The following HCRTR1 variants were observed in gnomAD, a reference collection of about 807,000 sequenced individuals.
The protein encoded by HCRTR1 is hypocretin receptor 1.
A neutral mutation model predicts 40.6 loss-of-function variants in HCRTR1; 28 were observed. That is an observed-to-expected ratio of 0.69 (90% CI 0.51 to 0.95). The LOEUF is 0.95. HCRTR1 is among the 40% of genes least tolerant of loss of function. The pLI, the probability that HCRTR1 is intolerant of heterozygous loss-of-function variation, is 0.00. For missense variants in HCRTR1, 482 were observed against 564.7 expected, an observed-to-expected ratio of 0.85 and a Z score of 1.48; for synonymous variants, 209 against 230.0, an observed-to-expected ratio of 0.91 and a Z score of 0.83.
intron 4 of HCRTR1, among the ~76,000 whole-genome samples, chr1:31,620,466 T>C (rs1277996158): frequency 6.6e-6 from 1 of 152,188 alleles, no homozygotes; most frequent in Non-Finnish European, 1.5e-5. Flanking sequence ...AGTTTCCTCA[T>C]CTGTAACAGG....
At chr1:31,631,124 A>G (rs1640089933), downstream of HCRTR1, among the ~76,000 whole-genome samples, 1 of 152,172 alleles carries the variant, frequency 6.6e-6, no homozygotes, top group South Asian at 2.1e-4. Context: ...ACGACAACGG[A>G]CTATCCGCAA....
At chr1:31,632,179 G>A, downstream of HCRTR1, 1 of 582,550 alleles carries the variant, frequency 1.7e-6, no homozygotes, top group South Asian at 2.0e-5. Context: ...AGTCACCCAA[G>A]CCACACACAC....
In HCRTR1 at chr1:31,626,719, G is replaced by A; in HGVS notation, c.1088-71G>A. On this transcript the variant is annotated intron_variant, in intron 8 of 8. Coordinates refer to ENST00000403528, the MANE Select transcript of HCRTR1 (RefSeq NM_001525.3). This position sits in a 1 kb window ranked among gnomAD's most constrained non-coding sequence, Gnocchi z 4.6. Reference sequence around the variant, plus strand: ...GCAGCTTGGCTGGAGCTGCGTGGGTGTCCCTGGGCTCAAGGCCCCTTCCTG... The same window carrying A: ...GCAGCTTGGCTGGAGCTGCGTGGGTATCCCTGGGCTCAAGGCCCCTTCCTG... 1 of 1,526,986 alleles carries A rather than the reference G, an allele frequency of 6.5e-7. No homozygotes were observed. Among genetic ancestry groups the A allele is most frequent in the Non-Finnish European group, 8.8e-7 (1 of 1,132,968 alleles). 94.6% of individuals were successfully genotyped at this position (1,526,986 alleles called of 1,614,324 possible).
At chr1:31,634,419 C>T (rs1335172096), downstream of HCRTR1, among the ~76,000 whole-genome samples, 1 of 152,142 alleles carries the variant, frequency 6.6e-6, no homozygotes, top group Non-Finnish European at 1.5e-5. Flanking sequence ...CTAAAATGAA[C>T]CCATTTCCCC....
At position 31,619,053 on chromosome 1, in the gene HCRTR1, A is replaced by G; in HGVS notation, c.-140A>G. 1 of 626,720 alleles carries G rather than the reference A, an allele frequency of 1.6e-6. No individual in the cohort carries two copies. The highest frequency in any genetic ancestry group is 2.8e-6 in the Non-Finnish European group (1 of 360,472). The allele number at this position is 626,720 out of a possible 1,614,324, so 38.8% of individuals were successfully genotyped here. ...CCTCCTTTCCTTCCTCCCTTCAGGA[A>G]GTTTGAGGCTGAGACCCGAAAAGAC... On this transcript the variant is annotated splice_region_variant and 5_prime_UTR_variant, in exon 3 of 9. Transcript: ENST00000403528.
At position 31,620,796 on chromosome 1, in the gene HCRTR1, C is replaced by T. The variant is rs75331015; in HGVS notation, c.379-47C>T. The T allele has an allele frequency of 8.3e-4, 1,315 of 1,589,588 alleles. 9 individuals are homozygous for T. The African/African-American group carries it at 0.015, about 18-fold the overall frequency. ...CCTCCTCACTCACCTACTCTCACAT[C>T]GCTGGGTGGCCCCCAAAATGACCGA... On this transcript the variant is annotated intron_variant, in intron 4 of 8. Transcript: ENST00000403528.
At chr1:31,632,271 TC>T, downstream of HCRTR1, 1 of 771,100 alleles carries the variant, frequency 1.3e-6, no homozygotes, top group Non-Finnish European at 2.2e-6. Context: ...CACTCCAGGG[TC>T]CAGCCCTGAT....
At chr1:31,630,585 T>G, downstream of HCRTR1, 1 of 1,601,676 alleles carries the variant, frequency 6.2e-7, no homozygotes, top group Non-Finnish European at 8.5e-7. Context: ...AGGTCCCTGG[T>G]GCACTCCACT....
rs1639987743 is a variant in HCRTR1, at chr1:31,626,849, T to C, written c.1147T>C (p.Cys383Arg). ...CTGCTGCCTGCCTGGCCTGGGTCCC[T>C]GCGGCTCTCTGAAGGCCCCTAGTCC... ...FSCCLPGLGP[C>R]GSLKAPSPRS... Residue 383 changes from cysteine (C) to arginine (R), a missense_variant, in exon 9 of 9, where the codon TGC (cysteine) becomes CGC (arginine). Cys to Arg is a radical substitution (Grantham distance 180, BLOSUM62 -3). Transcript: ENST00000403528. This position sits in a 1 kb window ranked among gnomAD's most constrained non-coding sequence, Gnocchi z 4.6. The C allele has an allele frequency of 1.2e-6, 2 of 1,613,956 alleles. No homozygotes were observed. The highest frequency in any genetic ancestry group is 2.2e-5 in the South Asian group (2 of 91,092).
downstream of HCRTR1, chr1:31,633,381 G>A: frequency 6.7e-7 from 1 of 1,490,286 alleles, no homozygotes; most frequent in Non-Finnish European, 9.1e-7. Context: ...TAACTTCCTG[G>A]CTACAGGTTT....
chr1:31,633,233 A>G (rs752087793), downstream of HCRTR1: 2 of 1,614,070 alleles, frequency 1.2e-6, no homozygotes, highest in Admixed American at 1.7e-5. Context: ...TAGCTCCTTC[A>G]TGGAGATATA....
chr1:31,625,605 C>T lies in HCRTR1; in HGVS notation c.1087+487C>T, dbSNP rs929099237. On this transcript the variant is annotated intron_variant, in intron 8 of 8. Coordinates refer to ENST00000403528, the MANE Select transcript of HCRTR1 (RefSeq NM_001525.3). This position sits in a 1 kb window ranked among gnomAD's most constrained non-coding sequence, Gnocchi z 4.2. ...GAAGGGCTTCGCCGGCTCAGCTAGA[C>T]ACACTGGCAGAGTGACCGGAATCTC... Among the ~76,000 whole-genome samples the T allele has an allele frequency of 6.6e-6, 1 of 152,244 alleles. No homozygotes were observed. The highest frequency in any genetic ancestry group is 1.5e-5 in the Non-Finnish European group (1 of 68,040).
chr1:31,621,085 A>C lies in HCRTR1; in HGVS notation c.621A>C (p.Ala207=). 2 of 1,601,512 alleles carry C rather than the reference A, an allele frequency of 1.2e-6. No homozygotes were observed. The highest frequency in any genetic ancestry group is 1.7e-6 in the Non-Finnish European group (2 of 1,176,904). Residue 207 remains alanine, a splice_region_variant and synonymous_variant, in exon 5 of 9, where the codon GCA becomes GCC. Transcript: ENST00000403528. ...TCTCAGTCTGTGATGAACGCTGGGC[A>C]GGTAATGGTGGAAGCCTCAAGCAGG... ...RLFSVCDERW[A]DDLYPKIYHS...
At chr1:31,630,176 T>G (rs1640054665), downstream of HCRTR1, 1 of 241,882 alleles carries the variant, frequency 4.1e-6, no homozygotes, top group Admixed American at 4.9e-5. Context: ...TCTCTCATGC[T>G]TGGTCAGATT....
At position 31,621,784 on chromosome 1, in the gene HCRTR1, A is replaced by G. The variant is rs559147972; in HGVS notation, c.738+192A>G. Among the ~76,000 whole-genome samples, 134 of 152,380 alleles carry G rather than the reference A, an allele frequency of 8.8e-4. 3 individuals carry two copies. In the South Asian group the frequency reaches 0.024, roughly 27 times the overall value. On this transcript the variant is annotated intron_variant, in intron 6 of 8. Coordinates refer to ENST00000403528, the MANE Select transcript of HCRTR1 (RefSeq NM_001525.3). ...ACCAGTGGCTACCCTGGAATGGAAT[A>G]GTAACACGTCCTTCTATTAGTGGTT...
At chr1:31,621,232 T>C in intron 5 of HCRTR1, 146 bp downstream of exon 5, 1 of 1,153,404 alleles carries the variant, frequency 8.7e-7, no homozygotes, top group Non-Finnish European at 1.2e-6. Context: ...GACTGGCTCC[T>C]ACCAGGGATA....
rs143453875 is a variant in HCRTR1, at chr1:31,626,798, C to T, written c.1096C>T (p.Arg366Trp). ...TTTGTCTCCCAACCAAGGCAAATTC[C>T]GGGAGCAGTTTAAGGCTGCCTTCTC... Reference protein sequence around the residue: ...IIYNFLSGKFREQFKAAFSCC... With the variant: ...IIYNFLSGKFWEQFKAAFSCC... The change falls in exon 9 of 9, where the codon CGG becomes TGG. Residue 366 changes from arginine (R) to tryptophan (W), a missense_variant. Coordinates refer to ENST00000403528, the MANE Select transcript of HCRTR1 (RefSeq NM_001525.3). This position sits in a 1 kb window ranked among gnomAD's most constrained non-coding sequence, Gnocchi z 4.6. 27 of 1,613,014 alleles carry T rather than the reference C, an allele frequency of 1.7e-5. No homozygotes were observed. The highest frequency in any genetic ancestry group is 2.2e-5 in the East Asian group (1 of 44,872).
At chr1:31,624,216 T>C (rs1371156848) in intron 7 of HCRTR1, among the ~76,000 whole-genome samples, 1 of 152,024 alleles carries the variant, frequency 6.6e-6, no homozygotes, top group African/African-American at 2.4e-5. Context: ...CCCAACACGT[T>C]GGGAGGCCAA....
Position 31,625,257 on chromosome 1 carries a change from G to GGT in HCRTR1, c.1087+139_1087+140insGT. On this transcript the variant is annotated intron_variant, in intron 8 of 8. Transcript: ENST00000403528. The surrounding 1 kb of genome is among the most constrained non-coding windows in gnomAD (Gnocchi z 4.2). ...TGTGGGCACAGTGATCCTGCTCTGG[G>GGT]AGGACCCACCCCAAGCGGCCCTGGC... 9.0e-7 allele frequency: 1 copy of GGT among 1,105,352 alleles called. No homozygotes were observed. Among genetic ancestry groups the GGT allele is most frequent in the Non-Finnish European group, 1.2e-6 (1 of 806,582 alleles). 68.5% of individuals were successfully genotyped at this position (1,105,352 alleles called of 1,614,324 possible).
Sources: gnomAD v4.1 joint callset for allele counts (sites outside exome capture counted in the v4.1 genomes callset) on GRCh38, gnomAD v4.1.1 for gene constraint, Gnocchi (gnomAD v3.1) non-coding constraint, MANE v1.5 for transcripts, NCBI Gene and HGNC (gene_info 2026-07-23, HGNC 2026-07-21) for gene names.